Variants in MYO7B observed in about 807,000 individuals in gnomAD.
MYO7B encodes myosin VIIB.
In MYO7B, 212 loss-of-function variants were observed where a neutral mutation model predicts 259.7. That is an observed-to-expected ratio of 0.82 (90% confidence interval 0.73 to 0.91). The LOEUF (loss-of-function observed/expected upper bound fraction) is 0.91. Among genes scored for constraint, MYO7B ranks in the 40% least tolerant of loss-of-function variants. The pLI, the probability that MYO7B is intolerant of heterozygous loss-of-function variation, is 0.00. For synonymous variants in MYO7B, 1,197 were observed against 1,166.4 expected, an observed-to-expected ratio of 1.03 and a Z score of -0.54; for missense variants, 2,732 against 2,813.5, an observed-to-expected ratio of 0.97 and a Z score of 0.66.
rs372379017 is a variant in MYO7B, at chr2:127,636,508, C to A, written c.6124-37C>A. 2 of 1,583,814 alleles carry A rather than the reference C, an allele frequency of 1.3e-6. No individual in the cohort carries two copies. The highest frequency in any genetic ancestry group is 2.3e-5 in the East Asian group (1 of 43,146). On this transcript the variant is annotated intron_variant, in intron 45 of 47. Transcript: ENST00000409816. This position sits in a 1 kb window ranked among gnomAD's most constrained non-coding sequence, Gnocchi z 4.5. Reference sequence around the variant, plus strand: ...TCCTGGGAGGTGCAGCCTGGCCTCCCGGGCTGGACTATGACCGCCGTGTCC... The same window carrying A: ...TCCTGGGAGGTGCAGCCTGGCCTCCAGGGCTGGACTATGACCGCCGTGTCC...
Position 127,634,625 on chromosome 2 carries a change from CTTT to C in MYO7B, c.5656_5658del (p.Phe1886del), listed in dbSNP as rs759481027. 6 of 1,612,896 alleles carry C rather than the reference CTTT, an allele frequency of 3.7e-6. No homozygotes were observed. Among genetic ancestry groups the C allele is most frequent in the African/African-American group, 1.3e-5 (1 of 74,928 alleles). ...TCAGCCAGAAGGAGGGAGACTTCTTCTTTGATTCCTTGAGGGAGGTGTCTGACT... is the reference window on the plus strand; with the variant it reads ...TCAGCCAGAAGGAGGGAGACTTCTTCGATTCCTTGAGGGAGGTGTCTGACT... On this transcript the variant is annotated inframe_deletion, in exon 42 of 48. Transcript: ENST00000409816.
chr2:127,566,389 A>G (rs1320315559), intron 4 of MYO7B, among the ~76,000 whole-genome samples: 1 of 152,244 alleles, frequency 6.6e-6, no homozygotes, highest in Non-Finnish European at 1.5e-5. Flanking sequence ...GGTACAAAAC[A>G]GTTAACATTT....
intron 1 of MYO7B, among the ~76,000 whole-genome samples, chr2:127,555,981 G>GAATATT (rs1317156730): frequency 6.6e-6 from 1 of 152,146 alleles, no homozygotes; most frequent in Non-Finnish European, 1.5e-5. Context: ...CCTGCCTAGT[G>GAATATT]CTGCCAGTGG....
In MYO7B at chr2:127,546,794, A is replaced by ATCCC. The variant is rs1176268042; in HGVS notation, c.-24+10966_-24+10967insCTCC. On this transcript the variant is annotated intron_variant, in intron 1 of 47. Transcript: ENST00000409816. This position sits in a 1 kb window ranked among gnomAD's most constrained non-coding sequence, Gnocchi z 4.2. ...CATCCATCCATCCATCCATCCATCC[A>ATCCC]TCCATCCATCAATCCATTCATCTGT... 1.6e-3 allele frequency among the ~76,000 whole-genome samples: 239 copies of ATCCC among 151,796 alleles called. 2 individuals carry two copies. Among genetic ancestry groups the ATCCC allele is most frequent in the Admixed American group, 3.0e-3 (45 of 15,246 alleles).
intron 16 of MYO7B, 83 bp from the exon 17 acceptor site, chr2:127,592,711 C>A: frequency 6.6e-7 from 1 of 1,512,956 alleles, no homozygotes; most frequent in Non-Finnish European, 8.9e-7. Context: ...GCTGTGGGCC[C>A]GTGCCCGGTG....
intron 1 of MYO7B, among the ~76,000 whole-genome samples, chr2:127,556,006 C>T (rs1223073220): frequency 2.6e-5 from 4 of 152,048 alleles, no homozygotes; most frequent in South Asian, 2.1e-4. Context: ...TTGAAGTCCC[C>T]GGCTATTAAT....
At chr2:127,600,509 A>T (rs1679925784) in intron 19 of MYO7B, among the ~76,000 whole-genome samples, 1 of 152,226 alleles carries the variant, frequency 6.6e-6, no homozygotes, top group Non-Finnish European at 1.5e-5. Flanking sequence ...CAGGAGTCCG[A>T]GACCAGCCTG....
rs1424884305 is a variant in MYO7B at position 127,597,765 on chromosome 2, G to GC, written c.2339+1210dup. Among the ~76,000 whole-genome samples, 1 of 152,012 alleles carries GC rather than the reference G, an allele frequency of 6.6e-6. No homozygotes were observed. Among genetic ancestry groups the GC allele is most frequent in the African/African-American group, 2.4e-5 (1 of 41,378 alleles). On this transcript the variant is annotated intron_variant, in intron 19 of 47. Transcript: ENST00000409816. The surrounding 1 kb of genome is among the most constrained non-coding windows in gnomAD (Gnocchi z 4.8). ...TCCTCCCACCTCAGCCTCCAAAGTA[G>GC]CTGGTACTACTACAGGCGCCCGCCA...
intron 17 of MYO7B, 37 bp downstream of exon 17, chr2:127,592,983 C>T (rs1238040054): frequency 2.7e-6 from 4 of 1,504,450 alleles, no homozygotes; most frequent in South Asian, 1.2e-5. Flanking sequence ...TCTGGCCATC[C>T]GCGGCCTTCC....
In MYO7B at chr2:127,623,205, G is replaced by A. The variant is rs2105085302; in HGVS notation, c.3649G>A (p.Val1217Ile). 1 of 1,613,438 alleles carries A rather than the reference G, an allele frequency of 6.2e-7. No individual in the cohort carries two copies. The highest frequency in any genetic ancestry group is 8.5e-7 in the Non-Finnish European group (1 of 1,179,750). The stretch of plus-strand genomic sequence containing the variant: ...ACTGAATCTCATCTGTCCCCAGGCT[G>A]TCAAGTCCAAGAAGCACATCCCCAT... ...EPPTWLELQA[V>I]KSKKHIPIQV... is the part of the protein sequence containing the mutation. The change falls in exon 29 of 48, where the codon GTC becomes ATC. Residue 1217 changes from valine (V) to isoleucine (I), a missense_variant. By Grantham distance (29) the Val-to-Ile change is conservative. Around this residue, in one of 3 missense-constraint regions of MYO7B, gnomAD observed 1,906 missense variants for 2,026.4 expected, o/e 0.94. Transcript: ENST00000409816.
chr2:127,628,507 C>T lies in MYO7B; in HGVS notation c.4596C>T (p.Ala1532=). 1.4e-6 allele frequency: 2 copies of T among 1,465,292 alleles called. No homozygotes were observed. The highest frequency in any genetic ancestry group is 9.1e-7 in the Non-Finnish European group (1 of 1,102,904). The allele number at this position is 1,465,292 out of a possible 1,614,324, so 90.8% of individuals were successfully genotyped here. A position where few individuals can be genotyped will look rare whatever the true frequency, so the allele number is the denominator to read the frequency against. The change falls in exon 34 of 48, where the codon GCC becomes GCT. Residue 1532 remains alanine (A), a synonymous_variant. Transcript: ENST00000409816. This position sits in a 1 kb window ranked among gnomAD's most constrained non-coding sequence, Gnocchi z 4.8. ...GCCTGAAGGAGAGGTCCATTTTCGC[C>T]ATGGCCCTGCAGGACAGGAAGGCCA... ...LEGLKERSIF[A]MALQDRKATD...
Position 127,576,817 on chromosome 2 carries a change from C to T in MYO7B, c.849+109C>T, listed in dbSNP as rs182297348. ...CAGAGAAGCCCAACGCTGGCCGGGCCCCTGAGGCGGGGCTGGTTCCCTTTG... is the reference window on the plus strand; with the variant it reads ...CAGAGAAGCCCAACGCTGGCCGGGCTCCTGAGGCGGGGCTGGTTCCCTTTG... On this transcript the variant is annotated intron_variant, in intron 8 of 47. Coordinates refer to ENST00000409816, the MANE Select transcript of MYO7B (RefSeq NM_001393586.1). The surrounding 1 kb of genome is among the most constrained non-coding windows in gnomAD (Gnocchi z 4.9). 4.2e-4 allele frequency: 314 copies of T among 753,220 alleles called. 1 individual carries two copies. The highest frequency in any genetic ancestry group is 4.1e-3 in the African/African-American group (229 of 56,326). 46.7% of individuals were successfully genotyped at this position (753,220 alleles called of 1,614,324 possible). A position where few individuals can be genotyped will look rare whatever the true frequency, so the allele number is the denominator to read the frequency against.
chr2:127,631,187 C>G lies in MYO7B; in HGVS notation c.4938-19C>G, dbSNP rs769110045. 2 of 1,579,818 alleles carry G rather than the reference C, an allele frequency of 1.3e-6. No homozygotes were observed. Among genetic ancestry groups the G allele is most frequent in the South Asian group, 2.3e-5 (2 of 87,348 alleles). On this transcript the variant is annotated intron_variant, in intron 36 of 47. Coordinates refer to ENST00000409816, the MANE Select transcript of MYO7B (RefSeq NM_001393586.1). ...AGAAGGCCACAGGGCAGGCCTCACA[C>G]CAGCCTCTAACCTCACAGGGCTCCA... is the stretch of plus-strand genomic sequence containing the variant.
rs748554691 is a variant in MYO7B at position 127,609,662 on chromosome 2, C to T, written c.2971C>T (p.Arg991Trp). ...GAAATCAGCCAGCCACACACACATC[C>T]GGCGGCCCCTCCGATACCCGTTGCT... Reference protein sequence around the residue: ...FQKSASHTHIRRPLRYPLLYH... With the variant: ...FQKSASHTHIWRPLRYPLLYH... Residue 991 changes from arginine (R) to tryptophan (W), a missense_variant, in exon 23 of 48, where the codon CGG becomes TGG. This residue lies in a region of MYO7B where 1,906 missense variants were observed against 2,026.4 expected (regional missense o/e 0.94). Transcript: ENST00000409816. This position sits in a 1 kb window ranked among gnomAD's most constrained non-coding sequence, Gnocchi z 6.9. The T allele has an allele frequency of 1.1e-5, 17 of 1,613,854 alleles. No individual in the cohort carries two copies. The highest frequency in any genetic ancestry group is 6.7e-5 in the East Asian group (3 of 44,900).
chr2:127,585,258 C>A lies in MYO7B; in HGVS notation c.1690+345C>A, dbSNP rs551265275. 6.6e-6 allele frequency among the ~76,000 whole-genome samples: 1 copy of A among 152,262 alleles called. No individual in the cohort carries two copies. The highest frequency in any genetic ancestry group is 2.1e-4 in the South Asian group (1 of 4,826). ...CCCTCATGAGCAACCACTCCCATTT[C>A]CCCCCAGCCCTGGGCAACAATTAAT... On this transcript the variant is annotated intron_variant, in intron 14 of 47. Transcript: ENST00000409816. This position sits in a 1 kb window ranked among gnomAD's most constrained non-coding sequence, Gnocchi z 4.3.
At position 127,584,374 on chromosome 2, in the gene MYO7B, T is replaced by C. The variant is rs1028697877; in HGVS notation, c.1554+42T>C. 1.3e-5 allele frequency: 20 copies of C among 1,589,730 alleles called. No individual in the cohort carries two copies. The highest frequency in any genetic ancestry group is 1.7e-5 in the Non-Finnish European group (20 of 1,158,884). On this transcript the variant is annotated intron_variant, in intron 13 of 47. Coordinates refer to ENST00000409816, the MANE Select transcript of MYO7B (RefSeq NM_001393586.1). The surrounding 1 kb of genome is among the most constrained non-coding windows in gnomAD (Gnocchi z 5.8). ...GCCGACCTTCTGGTGGAGGCCCTGC[T>C]ATGGGTCTCCTCTTGGAGGCTGGGA...
chr2:127,562,516 T>C (rs1573623658), intron 2 of MYO7B, among the ~76,000 whole-genome samples: 3 of 121,860 alleles, frequency 2.5e-5, no homozygotes, highest in East Asian at 5.4e-4. Context: ...TGAGACGGAG[T>C]CTTGCACTGT....
In MYO7B at chr2:127,620,319, C is replaced by T. The variant is rs1573703407; in HGVS notation, c.3399-21C>T. 3 of 1,606,084 alleles carry T rather than the reference C, an allele frequency of 1.9e-6. No individual in the cohort carries two copies. In the East Asian group the frequency reaches 6.7e-5, roughly 36 times the overall value. ...CTCCTCCAGCCCCCAGCCTACTCTCCTAATGGTCTGTGTCTTTCAGGGATG... is the reference window on the plus strand; with the variant it reads ...CTCCTCCAGCCCCCAGCCTACTCTCTTAATGGTCTGTGTCTTTCAGGGATG... On this transcript the variant is annotated intron_variant, in intron 26 of 47. Coordinates refer to ENST00000409816, the MANE Select transcript of MYO7B (RefSeq NM_001393586.1).
chr2:127,571,995 C>A (rs189848570), intron 6 of MYO7B, among the ~76,000 whole-genome samples: 39 of 152,246 alleles, frequency 2.6e-4, no homozygotes, highest in Non-Finnish European at 1.0e-4. Flanking sequence ...TTGCCTAACC[C>A]AGAGATTTTC....
Sources: allele counts gnomAD v4.1 joint callset (sites outside exome capture counted in the v4.1 genomes callset), GRCh38; gene constraint gnomAD v4.1.1; regional missense constraint gnomAD v4.1.1; non-coding constraint Gnocchi (gnomAD v3.1); transcripts MANE v1.5; gene names NCBI Gene and HGNC (gene_info 2026-07-23, HGNC 2026-07-21).